Variants in FER observed in about 807,000 individuals in gnomAD.
FER encodes the protein tyrosine-protein kinase Fer.
FER carries 63 observed loss-of-function variants against 111.0 expected under a neutral mutation model. The observed-to-expected ratio is 0.57, with a 90% CI of 0.46 to 0.70. FER has a LOEUF of 0.70. Among genes scored for constraint, FER ranks in the 30% least tolerant of loss-of-function variants. FER has a pLI of 0.00. For synonymous variants in FER, 327 were observed against 313.9 expected (o/e 1.04, Z -0.44); for missense variants, 914 against 954.0 (o/e 0.96, Z 0.55).
Position 108,947,584 on chromosome 5 carries a change from A to G in FER, c.1329+1362A>G, listed in dbSNP as rs902473707. ...TTGTAAGAGTATATATTCTGAAAAC[A>G]AACTCCTTATACATATAATCTACAA... On this transcript the variant is annotated intron_variant, in intron 11 of 19. Transcript: ENST00000281092. Among the ~76,000 whole-genome samples the G allele has an allele frequency of 2.0e-5, 3 of 152,022 alleles. No homozygotes were observed. The East Asian group carries it at 5.8e-4, about 29-fold the overall frequency.
At chr5:108,868,037 G>A (rs975363466) in intron 6 of FER, 87 bp downstream of exon 6, 9 of 1,268,396 alleles carry the variant, frequency 7.1e-6, no homozygotes, top group African/African-American at 3.0e-5. Context: ...TGCTTCATAA[G>A]TTTTATTATT....
chr5:109,018,410 GACTACACATGTA>G (rs775304614), intron 13 of FER, among the ~76,000 whole-genome samples: 4 of 151,820 alleles, frequency 2.6e-5, no homozygotes, highest in Middle Eastern at 3.2e-3. Flanking sequence ...TTACCATTGG[GACTACACATGTA>G]GAGAACCTTA....
intron 3 of FER, among the ~76,000 whole-genome samples, chr5:108,815,842 C>T (rs911763914): frequency 6.6e-6 from 1 of 152,054 alleles, no homozygotes; most frequent in Non-Finnish European, 1.5e-5. Context: ...GCCTGTACAA[C>T]TAGGGTTTCA....
chr5:109,132,395 A>T (rs1340768108), intron 17 of FER, among the ~76,000 whole-genome samples: 1 of 152,156 alleles, frequency 6.6e-6, no homozygotes, highest in East Asian at 1.9e-4. Flanking sequence ...TATTCTAGGA[A>T]CTTGGGATGC....
chr5:108,924,922 G>C (rs1753533114), intron 10 of FER: 1 of 683,598 alleles, frequency 1.5e-6, no homozygotes, highest in South Asian at 7.9e-5. Flanking sequence ...GAATCTGGTG[G>C]TAAACAAAAT....
At chr5:109,087,814 ATATC>A (rs1311515438) in intron 16 of FER, among the ~76,000 whole-genome samples, 1 of 151,872 alleles carries the variant, frequency 6.6e-6, no homozygotes, top group Non-Finnish European at 1.5e-5. Context: ...TTTGAGTAGA[ATATC>A]TATAATTTTT....
intron 13 of FER, among the ~76,000 whole-genome samples, chr5:109,036,766 C>A (rs1033861084): frequency 1.3e-5 from 2 of 151,178 alleles, no homozygotes; most frequent in African/African-American, 4.9e-5. Context: ...ATAGTTGAGC[C>A]TTTTTTAGAT....
chr5:108,893,639 T>G (rs748235423), intron 9 of FER, among the ~76,000 whole-genome samples: 1 of 152,022 alleles, frequency 6.6e-6, no homozygotes, highest in Non-Finnish European at 1.5e-5. Context: ...TGTTCAGCAT[T>G]CTAGGTGACA....
At chr5:109,021,611 TTA>T (rs1430190970) in intron 13 of FER, among the ~76,000 whole-genome samples, 1 of 152,106 alleles carries the variant, frequency 6.6e-6, no homozygotes, top group Admixed American at 6.6e-5. Context: ...TTCTTAGTGC[TTA>T]TCTTAGTACT....
chr5:109,016,401 A>G (rs1767128686), intron 13 of FER, among the ~76,000 whole-genome samples: 1 of 152,000 alleles, frequency 6.6e-6, no homozygotes, highest in African/African-American at 2.4e-5. Context: ...TCTGATTTGG[A>G]CTTTTGTTGA....
At chr5:109,055,821 G>C (rs1581829203) in intron 16 of FER, among the ~76,000 whole-genome samples, 1 of 119,112 alleles carries the variant, frequency 8.4e-6, no homozygotes, top group Admixed American at 8.4e-5. Context: ...ACATACAACT[G>C]ATGTACCAAA....
At chr5:109,026,241 GCTTGCAAA>G (rs1768719275) in intron 13 of FER, among the ~76,000 whole-genome samples, 1 of 152,082 alleles carries the variant, frequency 6.6e-6, no homozygotes, top group Non-Finnish European at 1.5e-5. Context: ...ATTTTATGTA[GCTTGCAAA>G]TATAATGAAA....
chr5:108,819,563 AAG>A (rs1289277276), intron 3 of FER, among the ~76,000 whole-genome samples: 1 of 152,186 alleles, frequency 6.6e-6, no homozygotes, highest in African/African-American at 2.4e-5. Flanking sequence ...AGGAGTAAAT[AAG>A]AGAAGGCCTG....
intron 1 of FER, chr5:108,748,978 G>C (rs1251478949): frequency 6.5e-6 from 1 of 152,898 alleles, no homozygotes; most frequent in East Asian, 1.9e-4. Context: ...AGGGGTTCGG[G>C]CTTGTCAGGT....
At chr5:109,090,495 C>T (rs1447430436) in intron 16 of FER, among the ~76,000 whole-genome samples, 4 of 151,982 alleles carry the variant, frequency 2.6e-5, no homozygotes, top group African/African-American at 7.3e-5. Context: ...ATTTACAGGC[C>T]AACCCCCAAA....
chr5:109,000,726 T>A lies in FER; in HGVS notation c.1657-36696T>A, dbSNP rs564819172. Among the ~76,000 whole-genome samples the A allele has an allele frequency of 4.0e-5, 6 of 151,884 alleles. No individual in the cohort carries two copies. The South Asian group carries it at 6.3e-4, about 16-fold the overall frequency. On this transcript the variant is annotated intron_variant, in intron 13 of 19. Coordinates refer to ENST00000281092, the MANE Select transcript of FER (RefSeq NM_005246.4). ...CAGTGAATCCAGGAGCCGGTTTTTT[T>A]AAAAGATCAACAAAATTGATAGACC...
At chr5:108,805,653 A>C (rs2150063981) in intron 3 of FER, among the ~76,000 whole-genome samples, 2 of 152,298 alleles carry the variant, frequency 1.3e-5, no homozygotes, top group South Asian at 4.2e-4. Context: ...TGTGAACCGG[A>C]GCACAGGTGA....
rs563371353 is a variant in FER, at chr5:109,009,225, G to A, written c.1657-28197G>A. The stretch of plus-strand genomic sequence containing the variant: ...TAATTTTTATATTTTTAGTAGAGAC[G>A]GGGTTTCACCATGTTGGCCAGGCTG... On this transcript the variant is annotated intron_variant, in intron 13 of 19. Transcript: ENST00000281092. Among the ~76,000 whole-genome samples, 143 of 151,578 alleles carry A rather than the reference G, an allele frequency of 9.4e-4. 1 individual carries two copies. Among genetic ancestry groups the A allele is most frequent in the African/African-American group, 2.8e-3 (116 of 41,328 alleles).
intron 13 of FER, among the ~76,000 whole-genome samples, chr5:108,971,824 G>T (rs1198799166): frequency 1.3e-5 from 2 of 151,808 alleles, no homozygotes; most frequent in Admixed American, 6.6e-5. Flanking sequence ...AATATCAAGG[G>T]TTATACATAT....
Sources: gnomAD v4.1 joint callset for allele counts (sites outside exome capture counted in the v4.1 genomes callset) on GRCh38, gnomAD v4.1.1 for gene constraint, MANE v1.5 for transcripts, NCBI Gene and HGNC (gene_info 2026-07-23, HGNC 2026-07-21) for gene names.